Variants in CDKL5 observed in about 807,000 individuals in gnomAD.
CDKL5 encodes cyclin dependent kinase like 5.
In CDKL5, 8 loss-of-function variants were observed where a neutral mutation model predicts 61.7. The observed-to-expected ratio is 0.13, with a 90% CI of 0.08 to 0.23. CDKL5 has a LOEUF of 0.23. Among genes scored for constraint, CDKL5 ranks in the 10% least tolerant of loss-of-function variants. The pLI is 1.00. For missense variants in CDKL5, 440 were observed against 734.5 expected (o/e 0.60, Z 4.63); for synonymous variants, 275 against 272.3 (o/e 1.01, Z -0.10).
chrX:18,456,944 A>G (rs1437524509), intron 1 of CDKL5, among the ~76,000 whole-genome samples: 2 of 111,262 alleles, frequency 1.8e-5, no homozygotes, highest in Admixed American at 9.8e-5. Context: ...ACATAGCCAC[A>G]ACACTTCATC....
chrX:18,574,219 G>A (rs949767904), intron 4 of CDKL5, among the ~76,000 whole-genome samples: 2 of 111,817 alleles, frequency 1.8e-5, no homozygotes, highest in African/African-American at 3.3e-5. Context: ...TAGAATGGAC[G>A]TGTGGCATGT....
rs1927319372 is a variant in CDKL5, at chrX:18,634,266, T to C, written c.*5509T>C. ...AGACTGCTAAGAATTCCTCAGGACT[T>C]CCTTTGGTTGGGGATTTTACTTTCC... On this transcript the variant is annotated 3_prime_UTR_variant, in exon 18 of 18. Coordinates refer to ENST00000623535, the MANE Select transcript of CDKL5 (RefSeq NM_001323289.2). 1 of 752,058 alleles carries C rather than the reference T, an allele frequency of 1.3e-6. No individual in the cohort carries two copies. The highest frequency in any genetic ancestry group is 8.9e-5 in the Admixed American group (1 of 11,284). The allele number at this position is 752,058 out of a possible 1,213,427, so 62.0% of individuals were successfully genotyped here.
In CDKL5 at chrX:18,628,937, T is replaced by C; in HGVS notation, c.*180T>C. The stretch of plus-strand genomic sequence containing the variant: ...AGCTCCTCGCGGCCACAAATGCTAG[T>C]CAGGGATCTTAGAGCCACAGGAGTT... On this transcript the variant is annotated 3_prime_UTR_variant, in exon 18 of 18. Transcript: ENST00000623535. The C allele has an allele frequency of 9.5e-7, 1 of 1,051,139 alleles. No homozygotes were observed. Among genetic ancestry groups the C allele is most frequent in the South Asian group, 2.8e-5 (1 of 35,137 alleles). The allele number at this position is 1,051,139 out of a possible 1,213,427, so 86.6% of individuals were successfully genotyped here.
At chrX:18,626,978 A>G (rs1927084037) in intron 17 of CDKL5, 1 of 109,486 alleles carries the variant, frequency 9.1e-6, no homozygotes, top group Non-Finnish European at 1.9e-5. Context: ...GCTCTTTTCA[A>G]ATAACTTTAT....
intron 1 of CDKL5, among the ~76,000 whole-genome samples, chrX:18,459,672 TG>T (rs1319876054): frequency 9.3e-6 from 1 of 106,954 alleles, no homozygotes; most frequent in Non-Finnish European, 1.9e-5. Flanking sequence ...TGACTGCTTC[TG>T]GGGAGGCCTC....
intron 3 of CDKL5, among the ~76,000 whole-genome samples, chrX:18,545,756 T>C (rs747212484): frequency 7.1e-5 from 8 of 112,437 alleles, no homozygotes; most frequent in Non-Finnish European, 1.5e-4. Flanking sequence ...CTCCATTAAT[T>C]TGCATGTTTT....
intron 2 of CDKL5, among the ~76,000 whole-genome samples, chrX:18,510,036 G>A (rs1012336606): frequency 3.6e-5 from 4 of 109,678 alleles, no homozygotes; most frequent in Non-Finnish European, 7.6e-5. Context: ...AAAAAAAAGA[G>A]GGGCATTTCA....
Position 18,634,829 on chromosome X carries a change from A to G in CDKL5, c.*6072A>G. On this transcript the variant is annotated 3_prime_UTR_variant, in exon 18 of 18. Transcript: ENST00000623535. ...GAATTCAGGTAGTTATTCTGTATAT[A>G]CTTAGCTAACTATTCAGAGCTTCTT... The G allele has an allele frequency of 4.0e-6, 3 of 748,445 alleles. No individual in the cohort carries two copies. The highest frequency in any genetic ancestry group is 4.7e-6 in the Non-Finnish European group (3 of 634,908). 61.7% of individuals were successfully genotyped at this position (748,445 alleles called of 1,213,427 possible). A position where few individuals can be genotyped will look rare whatever the true frequency, so the allele number is the denominator to read the frequency against.
intron 15 of CDKL5, among the ~76,000 whole-genome samples, chrX:18,619,587 A>G (rs1385555515): frequency 8.9e-6 from 1 of 112,025 alleles, no homozygotes; most frequent in Non-Finnish European, 1.9e-5. Context: ...TCAAACTCTG[A>G]GGTCTTCAAC....
chrX:18,647,519 G>A, intron 20 of CDKL5: 2 of 465,637 alleles, frequency 4.3e-6, no homozygotes, highest in Non-Finnish European at 7.5e-6. Flanking sequence ...AGAAAGGAAT[G>A]AAGGATGAAG....
chrX:18,606,428 C>G (rs1460826684), intron 12 of CDKL5, among the ~76,000 whole-genome samples: 1 of 112,242 alleles, frequency 8.9e-6, no homozygotes, highest in Non-Finnish European at 1.9e-5. Context: ...ATGAAAAGCT[C>G]TAGCTAGAAA....
At chrX:18,444,893 G>A (rs866810400) in intron 1 of CDKL5, among the ~76,000 whole-genome samples, 1 of 110,880 alleles carries the variant, frequency 9.0e-6, no homozygotes, top group Non-Finnish European at 1.9e-5. Context: ...GCCTATGCCC[G>A]GGTTGTGGAA....
At chrX:18,460,007 G>T (rs1932243512) in intron 1 of CDKL5, among the ~76,000 whole-genome samples, 1 of 110,310 alleles carries the variant, frequency 9.1e-6, no homozygotes, top group Non-Finnish European at 1.9e-5. Flanking sequence ...CGAGTAGCTG[G>T]GATTACAGGT....
chrX:18,434,418 C>T (rs994351044), intron 1 of CDKL5, among the ~76,000 whole-genome samples: 4 of 111,299 alleles, frequency 3.6e-5, no homozygotes, highest in African/African-American at 1.3e-4. Context: ...AGACACACGG[C>T]ACTGGTCTGA....
chrX:18,607,035 A>G (rs1269381374), intron 12 of CDKL5, among the ~76,000 whole-genome samples: 2 of 111,928 alleles, frequency 1.8e-5, no homozygotes, highest in Non-Finnish European at 3.8e-5. Flanking sequence ...ACAGATGAGC[A>G]TGTCGAAGCT....
chrX:18,508,222 C>T (rs1412580973), intron 2 of CDKL5, among the ~76,000 whole-genome samples: 1 of 112,093 alleles, frequency 8.9e-6, no homozygotes, highest in Non-Finnish European at 1.9e-5. Flanking sequence ...ACTCTGAATT[C>T]CTAAAGGACT....
At position 18,509,197 on chromosome X, in the gene CDKL5, G is replaced by GCACGCGCGCACACACACA. The variant is rs1204561636; in HGVS notation, c.65-1620_65-1619insGCGCGCACACACACACAC. ...AGAGAGCGAGACTGTCTCAAAACAC[G>GCACGCGCGCACACACACA]CACACACACACACACACACACACAC... On this transcript the variant is annotated intron_variant, in intron 2 of 17. Coordinates refer to ENST00000623535, the MANE Select transcript of CDKL5 (RefSeq NM_001323289.2). 6.2e-5 allele frequency among the ~76,000 whole-genome samples: 4 copies of GCACGCGCGCACACACACA among 64,308 alleles called. No homozygotes were observed. The South Asian group carries it at 4.4e-3, about 70-fold the overall frequency. The allele number at this position is 64,308 out of a possible 115,157, so 55.8% of individuals were successfully genotyped here. A position where few individuals can be genotyped will look rare whatever the true frequency, so the allele number is the denominator to read the frequency against.
chrX:18,494,346 C>G (rs1922093228), intron 1 of CDKL5, among the ~76,000 whole-genome samples: 1 of 112,370 alleles, frequency 8.9e-6, no homozygotes, highest in South Asian at 3.6e-4. Flanking sequence ...CTCCTGGGTT[C>G]AAGTGATTCT....
At chrX:18,623,320 A>G (rs1466261602) in intron 16 of CDKL5, among the ~76,000 whole-genome samples, 1 of 112,453 alleles carries the variant, frequency 8.9e-6, no homozygotes, top group Non-Finnish European at 1.9e-5. Flanking sequence ...GCAGTACAGA[A>G]CAAGGCCTCT....
Sources: allele counts gnomAD v4.1 joint callset (sites outside exome capture counted in the v4.1 genomes callset), GRCh38; gene constraint gnomAD v4.1.1; transcripts MANE v1.5; gene names NCBI Gene and HGNC (gene_info 2026-07-23, HGNC 2026-07-21).